CPNE4: variants seen among roughly 807,000 people sequenced by gnomAD.
CPNE4 encodes the protein copine-4.
In CPNE4, 25 loss-of-function variants were observed where a neutral mutation model predicts 67.9. The observed-to-expected ratio is 0.37, with a 90% CI of 0.27 to 0.51. The LOEUF (loss-of-function observed/expected upper bound fraction) is 0.51. Among genes scored for constraint, CPNE4 ranks in the 20% least tolerant of loss-of-function variants. The probability of loss-of-function intolerance (pLI) is 0.93; values close to 1 mark genes in which losing one functional copy is unlikely to be tolerated. For missense variants in CPNE4, 464 were observed against 690.8 expected (o/e 0.67, Z 3.68); for synonymous variants, 242 against 244.9 (o/e 0.99, Z 0.11).
intron 7 of CPNE4, among the ~76,000 whole-genome samples, chr3:131,650,348 T>C (rs1225782993): frequency 6.6e-6 from 1 of 152,100 alleles, no homozygotes; most frequent in Non-Finnish European, 1.5e-5. Flanking sequence ...AAAACATGAC[T>C]ACTAGAGGGT....
intron 1 of CPNE4, among the ~76,000 whole-genome samples, chr3:131,944,547 G>C (rs2071492641): frequency 6.6e-6 from 1 of 151,944 alleles, no homozygotes; most frequent in African/African-American, 2.4e-5. Context: ...GCCCTCAGCT[G>C]GTTATCTGCC....
rs71788145 is a variant in CPNE4, at chr3:131,737,115, C to CTTTTTTTTTTTTTTTTTTTTTTTT, written c.181-13514_181-13491dup. Among the ~76,000 whole-genome samples, 58 of 49,400 alleles carry CTTTTTTTTTTTTTTTTTTTTTTTT rather than the reference C, an allele frequency of 1.2e-3. 11 individuals carry two copies. Among genetic ancestry groups the CTTTTTTTTTTTTTTTTTTTTTTTT allele is most frequent in the Admixed American group, 1.8e-3 (6 of 3,358 alleles). 32.4% of individuals were successfully genotyped at this position (49,400 alleles called of 152,430 possible). ...TGCCTCTTTTTATGAAGTATTGTGT[C>CTTTTTTTTTTTTTTTTTTTTTTTT]TTTTTTTTTTTTTTTTTTTTTTTTT... On this transcript the variant is annotated intron_variant, in intron 2 of 15. Transcript: ENST00000429747.
chr3:131,868,538 G>A (rs1231035917), intron 2 of CPNE4, among the ~76,000 whole-genome samples: 1 of 152,158 alleles, frequency 6.6e-6, no homozygotes, highest in African/African-American at 2.4e-5. Context: ...ATAAATTTAT[G>A]TTTGGTTTCA....
chr3:131,638,428 G>T (rs542843451), intron 7 of CPNE4, among the ~76,000 whole-genome samples: 2 of 152,164 alleles, frequency 1.3e-5, no homozygotes, highest in East Asian at 3.9e-4. Flanking sequence ...AGACAAAGAG[G>T]TGATAGTATA....
At chr3:131,983,857 T>C (rs940781511) in intron 1 of CPNE4, among the ~76,000 whole-genome samples, 5 of 152,216 alleles carry the variant, frequency 3.3e-5, no homozygotes, top group African/African-American at 1.2e-4. Context: ...TGGAATCAAT[T>C]GATTTACATC....
At chr3:131,617,370 T>C (rs1157448702) in intron 7 of CPNE4, among the ~76,000 whole-genome samples, 1 of 152,170 alleles carries the variant, frequency 6.6e-6, no homozygotes, top group African/African-American at 2.4e-5. Flanking sequence ...CTGTTTCTAA[T>C]AGCTCTAATG....
intron 1 of CPNE4, among the ~76,000 whole-genome samples, chr3:131,956,964 G>A (rs1273449951): frequency 6.6e-6 from 1 of 152,176 alleles, no homozygotes; most frequent in African/African-American, 2.4e-5. Context: ...AACAAAACAT[G>A]TTATAAAATA....
At chr3:131,954,082 T>C (rs984005165) in intron 1 of CPNE4, among the ~76,000 whole-genome samples, 3 of 151,882 alleles carry the variant, frequency 2.0e-5, no homozygotes, top group Admixed American at 6.6e-5. Context: ...AAAGAGATAA[T>C]AAGTAGCAGA....
chr3:131,988,221 A>T (rs1280795207), intron 1 of CPNE4, among the ~76,000 whole-genome samples: 1 of 152,156 alleles, frequency 6.6e-6, no homozygotes, highest in Non-Finnish European at 1.5e-5. Context: ...AAAGAAGGTC[A>T]ATATGGTTGG....
At chr3:131,795,699 A>G (rs1047161415) in intron 2 of CPNE4, among the ~76,000 whole-genome samples, 11 of 152,212 alleles carry the variant, frequency 7.2e-5, no homozygotes, top group African/African-American at 2.7e-4. Flanking sequence ...CAGAGGGCTG[A>G]AAACACCACC....
Position 132,004,955 on chromosome 3 carries a change from C to A in CPNE4, c.-2+29612G>T, listed in dbSNP as rs6792952. On this transcript the variant is annotated intron_variant, in intron 1 of 15. Coordinates refer to ENST00000429747, the MANE Select transcript of CPNE4 (RefSeq NM_130808.3). ...TTTGGGCTCACTTACATCCATTTTT[C>A]TCTCCTTCTGGGCGCAAAAGATAAT... Among the ~76,000 whole-genome samples, 1,514 of 152,122 alleles carry A rather than the reference C, an allele frequency of 1.0e-2. 21 individuals carry two copies. The highest frequency in any genetic ancestry group is 0.035 in the African/African-American group (1,456 of 41,496).
At chr3:131,578,997 A>G (rs1937625401) in intron 9 of CPNE4, among the ~76,000 whole-genome samples, 1 of 152,066 alleles carries the variant, frequency 6.6e-6, no homozygotes, top group African/African-American at 2.4e-5. Context: ...ACACTAAACA[A>G]CGGATTTTCA....
chr3:131,769,775 T>G (rs142546105), intron 2 of CPNE4, among the ~76,000 whole-genome samples: 1 of 152,292 alleles, frequency 6.6e-6, no homozygotes, highest in African/African-American at 2.4e-5. Context: ...CCCTCCTTTA[T>G]TTTGGGTTGA....
At chr3:132,020,952 T>C (rs2073982528) in intron 1 of CPNE4, among the ~76,000 whole-genome samples, 1 of 152,210 alleles carries the variant, frequency 6.6e-6, no homozygotes, top group African/African-American at 2.4e-5. Flanking sequence ...TTTGATGCTC[T>C]CAACTCTTAA....
chr3:131,728,020 G>A (rs1432624665), intron 2 of CPNE4, among the ~76,000 whole-genome samples: 1 of 152,036 alleles, frequency 6.6e-6, no homozygotes, highest in African/African-American at 2.4e-5. Flanking sequence ...ACATATTCAT[G>A]TACAATCCTT....
intron 1 of CPNE4, among the ~76,000 whole-genome samples, chr3:132,009,192 G>T (rs1275968969): frequency 6.6e-6 from 1 of 151,988 alleles, no homozygotes; most frequent in African/African-American, 2.4e-5. Context: ...CATATGTCAG[G>T]GTCTGCAGGG....
At chr3:132,009,874 G>A (rs968056669) in intron 1 of CPNE4, among the ~76,000 whole-genome samples, 3 of 152,168 alleles carry the variant, frequency 2.0e-5, no homozygotes, top group Non-Finnish European at 4.4e-5. Context: ...AGTAAGTAAA[G>A]GTCAGGGATG....
chr3:131,925,902 G>T (rs928731290), intron 1 of CPNE4, among the ~76,000 whole-genome samples: 1 of 145,336 alleles, frequency 6.9e-6, no homozygotes, highest in African/African-American at 2.4e-5. Flanking sequence ...AGGGAACCTA[G>T]GGACATGAGA....
intron 2 of CPNE4, among the ~76,000 whole-genome samples, chr3:131,764,604 T>C (rs951414621): frequency 6.6e-6 from 1 of 152,112 alleles, no homozygotes; most frequent in African/African-American, 2.4e-5. Flanking sequence ...GTTACACTCC[T>C]CTATAGAAAG....
Sources: gnomAD v4.1 joint callset for allele counts (sites outside exome capture counted in the v4.1 genomes callset) on GRCh38, gnomAD v4.1.1 for gene constraint, MANE v1.5 for transcripts, NCBI Gene and HGNC (gene_info 2026-07-23, HGNC 2026-07-21) for gene names.